Variants in CD99L2 observed in about 807,000 individuals in gnomAD.
The protein encoded by CD99L2 is CD99 antigen-like protein 2.
Under a neutral mutation model 27.3 loss-of-function variants are expected in CD99L2, and 24 were observed. The ratio of observed to expected loss-of-function variants is 0.88; its 90% CI spans 0.64 to 1.24. The LOEUF is 1.24. CD99L2 is among the 50% of genes most tolerant of loss of function. The probability of loss-of-function intolerance (pLI) is 0.00; values close to 1 mark genes in which losing one functional copy is unlikely to be tolerated. For synonymous variants in CD99L2, 97 were observed against 87.9 expected, an observed-to-expected ratio of 1.10 and a Z score of -0.58; for missense variants, 255 against 221.6, an observed-to-expected ratio of 1.15 and a Z score of -0.96.
intron 1 of CD99L2, among the ~76,000 whole-genome samples, chrX:150,860,252 A>C (rs1305281907): frequency 9.1e-6 from 1 of 109,327 alleles, no homozygotes; most frequent in Non-Finnish European, 1.9e-5. Context: ...ACATAGAAAA[A>C]GCATTTATTA....
Position 150,898,568 on chromosome X carries a change from C to T in CD99L2, c.21G>A (p.Ala7=). MVAWRS[A]FLVCLAFSLA... is the part of the protein sequence containing the mutation. ...AGGAGAAAGCGAGGCAGACAAGGAA[C>T]GCCGAGCGCCAGGCCACCATGGCTG... Residue 7 remains alanine (A), a synonymous_variant, in exon 1 of 11, where the codon GCG becomes GCA. Transcript: ENST00000370377. 24 of 1,118,033 alleles carry T rather than the reference C, an allele frequency of 2.1e-5. No homozygotes were observed. Among genetic ancestry groups the T allele is most frequent in the Non-Finnish European group, 2.8e-5 (24 of 851,202 alleles). The allele number at this position is 1,118,033 out of a possible 1,213,427, so 92.1% of individuals were successfully genotyped here.
At chrX:150,833,548 T>C (rs2046477811) in intron 1 of CD99L2, among the ~76,000 whole-genome samples, 3 of 111,962 alleles carry the variant, frequency 2.7e-5, no homozygotes. Flanking sequence ...CTTCTTGATT[T>C]CAAAATATAT....
chrX:150,823,371 T>C (rs11795483), intron 2 of CD99L2, among the ~76,000 whole-genome samples: 21,366 of 110,897 alleles, frequency 0.19, 1,587 homozygotes, highest in African/African-American at 0.26. Flanking sequence ...CTGCAACCTC[T>C]GTCTCCCAGG....
chrX:150,769,597 G>T (rs2043378409), intron 10 of CD99L2, among the ~76,000 whole-genome samples: 1 of 110,052 alleles, frequency 9.1e-6, no homozygotes, highest in South Asian at 3.7e-4. Context: ...GCCCCTCCTG[G>T]TCTCCCAGGC....
intron 1 of CD99L2, among the ~76,000 whole-genome samples, chrX:150,864,519 G>A (rs1003648088): frequency 1.8e-5 from 2 of 112,257 alleles, no homozygotes; most frequent in Non-Finnish European, 1.9e-5. Context: ...CAGCACTTGG[G>A]GTGTGCCCCA....
chrX:150,889,286 C>T (rs782544354), intron 1 of CD99L2, among the ~76,000 whole-genome samples: 194 of 112,661 alleles, frequency 1.7e-3, no homozygotes, highest in Non-Finnish European at 3.2e-3. Flanking sequence ...TCCCAGGCCA[C>T]TGACCGGTAT....
Position 150,795,195 on chromosome X carries a change from G to A in CD99L2, c.430+11C>T, listed in dbSNP as rs781861486. On this transcript the variant is annotated intron_variant, in intron 6 of 10. Transcript: ENST00000370377. The stretch of plus-strand genomic sequence containing the variant: ...AATTAATGAGACAGAACCAGACCAG[G>A]TGGGACTCACCTCCTCCTCCAGCAA... 2.0e-5 allele frequency: 24 copies of A among 1,207,832 alleles called. No homozygotes were observed. In the African/African-American group the frequency reaches 3.2e-4, roughly 16 times the overall value.
chrX:150,772,379 TCCA>T (rs1557419126), intron 9 of CD99L2, among the ~76,000 whole-genome samples: 1 of 112,402 alleles, frequency 8.9e-6, no homozygotes, highest in African/African-American at 3.2e-5. Context: ...GAGAGGCTGC[TCCA>T]GGCCTGCAGG....
chrX:150,792,440 T>A (rs1451478160), intron 7 of CD99L2, among the ~76,000 whole-genome samples: 1 of 112,175 alleles, frequency 8.9e-6, no homozygotes, highest in African/African-American at 3.2e-5. Context: ...CTGACACCTG[T>A]AGGTTTCATT....
At chrX:150,881,281 C>T (rs2047320748) in intron 1 of CD99L2, among the ~76,000 whole-genome samples, 1 of 111,611 alleles carries the variant, frequency 9.0e-6, no homozygotes, top group Non-Finnish European at 1.9e-5. Context: ...CAACCTATAC[C>T]CCAGCAGGCC....
chrX:150,891,739 T>C (rs990925295), intron 1 of CD99L2, among the ~76,000 whole-genome samples: 5 of 111,568 alleles, frequency 4.5e-5, no homozygotes. Flanking sequence ...CATGAAAGAT[T>C]TTCCAGCCCG....
At chrX:150,877,122 A>T (rs1364219366) in intron 1 of CD99L2, among the ~76,000 whole-genome samples, 1 of 56,416 alleles carries the variant, frequency 1.8e-5, no homozygotes, top group Non-Finnish European at 3.4e-5. Context: ...GTCTCTTAAT[A>T]AAAAAAAAAA....
At position 150,777,584 on chromosome X, in the gene CD99L2, C is replaced by T; in HGVS notation, c.497-102G>A. On this transcript the variant is annotated intron_variant, in intron 7 of 10. Transcript: ENST00000370377. ...GGCAGTGCTGGCCCTTCCAATCCCA[C>T]CTATGCGACAAGACCCCCACCAGTG... The T allele has an allele frequency of 3.5e-6, 3 of 869,397 alleles. No homozygotes were observed. The Admixed American group carries it at 8.2e-5, about 24-fold the overall frequency. 71.6% of individuals were successfully genotyped at this position (869,397 alleles called of 1,213,427 possible). A position where few individuals can be genotyped will look rare whatever the true frequency, so the allele number is the denominator to read the frequency against.
chrX:150,772,900 G>A (rs1173572015), intron 9 of CD99L2, among the ~76,000 whole-genome samples: 1 of 111,490 alleles, frequency 9.0e-6, no homozygotes, highest in South Asian at 3.9e-4. Context: ...GAGGGGAGGG[G>A]AAGGGCACTG....
intron 1 of CD99L2, among the ~76,000 whole-genome samples, chrX:150,876,101 T>C (rs1469694079): frequency 8.9e-6 from 1 of 112,332 alleles, no homozygotes; most frequent in Non-Finnish European, 1.9e-5. Flanking sequence ...GTATGAGACA[T>C]GTGGGCTGAT....
intron 4 of CD99L2, among the ~76,000 whole-genome samples, chrX:150,804,681 A>G (rs942836866): frequency 1.2e-4 from 14 of 112,361 alleles, no homozygotes; most frequent in African/African-American, 3.9e-4. Context: ...AACAAAATTG[A>G]CAAACCTTTA....
At chrX:150,795,526 G>C (rs1557419887) in intron 4 of CD99L2, 40 bp from the exon 5 acceptor site, 1 of 1,163,652 alleles carries the variant, frequency 8.6e-7, no homozygotes. Context: ...AGCACATTTA[G>C]GAACAAAATG....
At chrX:150,786,241 T>G (rs1402728155) in intron 7 of CD99L2, among the ~76,000 whole-genome samples, 1 of 110,871 alleles carries the variant, frequency 9.0e-6, no homozygotes, top group East Asian at 2.8e-4. Flanking sequence ...AAATTTTAGG[T>G]TCAGGGGTAC....
At chrX:150,854,422 T>A (rs1557421677) in intron 1 of CD99L2, among the ~76,000 whole-genome samples, 2 of 111,674 alleles carry the variant, frequency 1.8e-5, no homozygotes, top group South Asian at 3.8e-4. Context: ...ACCCACAAAG[T>A]CTTTCCTTAG....
Sources: allele counts gnomAD v4.1 joint callset (sites outside exome capture counted in the v4.1 genomes callset), GRCh38; gene constraint gnomAD v4.1.1; transcripts MANE v1.5; gene names NCBI Gene and HGNC (gene_info 2026-07-23, HGNC 2026-07-21).